Variants in OPHN1 observed in about 807,000 individuals in gnomAD.
OPHN1 encodes oligophrenin 1.
In OPHN1, 11 loss-of-function variants were observed where a neutral mutation model predicts 60.7. The observed-to-expected ratio is 0.18, with a 90% CI of 0.11 to 0.30. OPHN1 has a LOEUF of 0.30. OPHN1 is among the 10% of genes least tolerant of loss of function. The pLI is 1.00. For synonymous variants in OPHN1, 226 were observed against 222.6 expected (o/e 1.02, Z -0.14); for missense variants, 449 against 611.0 (o/e 0.73, Z 2.80).
chrX:68,367,506 T>A (rs1436093573), intron 2 of OPHN1, among the ~76,000 whole-genome samples: 2 of 111,597 alleles, frequency 1.8e-5, no homozygotes, highest in Non-Finnish European at 3.8e-5. Flanking sequence ...CATTTTTACT[T>A]GCCTTTAACC....
At chrX:68,386,035 G>A (rs911405629) in intron 2 of OPHN1, among the ~76,000 whole-genome samples, 2 of 112,050 alleles carry the variant, frequency 1.8e-5, no homozygotes, top group East Asian at 2.8e-4. Context: ...TTTAATGCCT[G>A]CTCTGAAATG....
At chrX:68,337,072 G>C (rs1334586497) in intron 2 of OPHN1, among the ~76,000 whole-genome samples, 1 of 110,018 alleles carries the variant, frequency 9.1e-6, no homozygotes, top group Non-Finnish European at 1.9e-5. Context: ...AAAAAAAGAA[G>C]TAAGAAAATG....
intron 2 of OPHN1, among the ~76,000 whole-genome samples, chrX:68,354,486 G>A (rs1367331714): frequency 1.3e-4 from 13 of 98,447 alleles, no homozygotes; most frequent in East Asian, 3.2e-4. Flanking sequence ...AGTCGGGCGC[G>A]GTGGCTCATG....
intron 15 of OPHN1, among the ~76,000 whole-genome samples, chrX:68,148,015 G>T (rs1469276906): frequency 9.0e-6 from 1 of 111,420 alleles, no homozygotes; most frequent in Non-Finnish European, 1.9e-5. Context: ...TATGAGAAAG[G>T]AAGAAGAAAG....
intron 18 of OPHN1, among the ~76,000 whole-genome samples, chrX:68,099,689 C>A (rs1854585326): frequency 8.9e-6 from 1 of 112,259 alleles, no homozygotes; most frequent in Admixed American, 9.4e-5. Flanking sequence ...ATTACTCAAC[C>A]CCAACTGATT....
chrX:68,284,688 G>C (rs1347478612), intron 3 of OPHN1, among the ~76,000 whole-genome samples: 1 of 111,205 alleles, frequency 9.0e-6, no homozygotes, highest in Non-Finnish European at 1.9e-5. Context: ...AACCCCATTA[G>C]CATTACACCC....
At chrX:68,180,968 A>T (rs775701124) in intron 15 of OPHN1, among the ~76,000 whole-genome samples, 5 of 111,430 alleles carry the variant, frequency 4.5e-5, no homozygotes, top group African/African-American at 1.6e-4. Flanking sequence ...ATATATCACA[A>T]ACTTTGATAT....
chrX:68,396,057 C>T (rs1193832990), intron 2 of OPHN1, among the ~76,000 whole-genome samples: 2 of 109,905 alleles, frequency 1.8e-5, no homozygotes, highest in Non-Finnish European at 3.8e-5. Flanking sequence ...AGATTACTGG[C>T]GGTGGAGGCT....
chrX:68,279,101 CTTTTTTTTTTTT>C (rs984725368), intron 4 of OPHN1, among the ~76,000 whole-genome samples: 21 of 21,795 alleles, frequency 9.6e-4, no homozygotes, highest in East Asian at 4.7e-3. Context: ...CTCCCCCGCT[CTTTTTTTTTTTT>C]TTTTTTTTTT....
intron 21 of OPHN1, among the ~76,000 whole-genome samples, chrX:68,055,426 T>G (rs1474149317): frequency 8.9e-6 from 1 of 112,177 alleles, no homozygotes; most frequent in Non-Finnish European, 1.9e-5. Flanking sequence ...CCAGTTAGAA[T>G]GGTGATCATT....
intron 11 of OPHN1, among the ~76,000 whole-genome samples, chrX:68,200,852 A>G (rs1214991124): frequency 8.9e-6 from 1 of 111,974 alleles, no homozygotes; most frequent in Non-Finnish European, 1.9e-5. Context: ...AGTATCTAAC[A>G]TCTAGAAATA....
intron 2 of OPHN1, among the ~76,000 whole-genome samples, chrX:68,414,792 C>A (rs1458191073): frequency 9.0e-6 from 1 of 111,691 alleles, no homozygotes; most frequent in African/African-American, 3.3e-5. Flanking sequence ...GCTAAGCCTT[C>A]CCATTACCAT....
intron 2 of OPHN1, among the ~76,000 whole-genome samples, chrX:68,317,376 AAAGGAAGGAAGGAAGGAAGG>A (rs771749142): frequency 2.0e-5 from 1 of 50,588 alleles, no homozygotes; most frequent in East Asian, 5.5e-4. Flanking sequence ...AGAAAGAAAG[AAAGGAAGGAAGGAAGGAAGG>A]AAGGAAGGAA....
intron 5 of OPHN1, among the ~76,000 whole-genome samples, chrX:68,241,374 T>C (rs1045798370): frequency 8.9e-6 from 1 of 111,891 alleles, no homozygotes; most frequent in Non-Finnish European, 1.9e-5. Flanking sequence ...CCATTATTAA[T>C]AATAGCAAAG....
At chrX:68,400,785 A>C (rs2147766715) in intron 2 of OPHN1, among the ~76,000 whole-genome samples, 1 of 108,932 alleles carries the variant, frequency 9.2e-6, no homozygotes, top group Admixed American at 9.9e-5. Flanking sequence ...TATTTTTAGT[A>C]AAGACAGGGT....
At chrX:68,068,470 CA>C (rs61188762) in intron 20 of OPHN1, among the ~76,000 whole-genome samples, 1,429 of 39,711 alleles carry the variant, frequency 0.036, 27 homozygotes, top group African/African-American at 0.14. Flanking sequence ...GACTCCATCT[CA>C]AAAAAAAAAA....
intron 19 of OPHN1, among the ~76,000 whole-genome samples, chrX:68,092,273 A>G (rs2077021475): frequency 8.9e-6 from 1 of 111,985 alleles, no homozygotes; most frequent in African/African-American, 3.2e-5. Flanking sequence ...CCTATGTGTG[A>G]AGCAGCAACA....
At chrX:68,076,459 T>A (rs2076954207) in intron 19 of OPHN1, among the ~76,000 whole-genome samples, 1 of 109,237 alleles carries the variant, frequency 9.2e-6, no homozygotes, top group Non-Finnish European at 1.9e-5. Context: ...CATTAAAAAA[T>A]TTCAATTCAT....
At position 68,212,192 on chromosome X, in the gene OPHN1, A is replaced by G. The variant is rs1450028379; in HGVS notation, c.618T>C (p.Ser206=). The part of the protein sequence containing the change: ...IVEPVLAFLH[S]LFISNSLTVE... ...CAGTCAGGCTGTTAGAAATGAACAG[A>G]CTATGAAGAAAGGCCAAGACCTAGG... is the stretch of plus-strand genomic sequence containing the variant. The change falls in exon 8 of 25, where the codon AGT becomes AGC. Residue 206 remains serine (S), a synonymous_variant. Coordinates refer to ENST00000355520, the MANE Select transcript of OPHN1 (RefSeq NM_002547.3). 1 of 1,200,086 alleles carries G rather than the reference A, an allele frequency of 8.3e-7. No individual in the cohort carries two copies. The highest frequency in any genetic ancestry group is 1.1e-6 in the Non-Finnish European group (1 of 885,945).
Sources: gnomAD v4.1 joint callset for allele counts (sites outside exome capture counted in the v4.1 genomes callset) on GRCh38, gnomAD v4.1.1 for gene constraint, MANE v1.5 for transcripts, NCBI Gene and HGNC (gene_info 2026-07-23, HGNC 2026-07-21) for gene names.